The following IL1RAPL2 variants were observed in gnomAD, a reference collection of about 807,000 sequenced individuals.
IL1RAPL2 encodes the protein X-linked interleukin-1 receptor accessory protein-like 2.
Under a neutral mutation model 44.1 loss-of-function variants are expected in IL1RAPL2, and 3 were observed. The observed-to-expected ratio is 0.07, with a 90% CI of 0.03 to 0.18. IL1RAPL2 has a LOEUF of 0.18. Among genes scored for constraint, IL1RAPL2 ranks in the 10% least tolerant of loss-of-function variants. The pLI, the probability that IL1RAPL2 is intolerant of heterozygous loss-of-function variation, is 1.00. For missense variants in IL1RAPL2, 391 were observed against 496.4 expected, an observed-to-expected ratio of 0.79 and a Z score of 2.02; for synonymous variants, 181 against 178.8, an observed-to-expected ratio of 1.01 and a Z score of -0.10.
chrX:104,813,673 C>T (rs1466636625), intron 2 of IL1RAPL2, among the ~76,000 whole-genome samples: 3 of 111,501 alleles, frequency 2.7e-5, no homozygotes, highest in Non-Finnish European at 1.9e-5. Flanking sequence ...AGGATAGCAT[C>T]AGACTCAGCT....
chrX:105,453,459 A>T (rs1240476853), intron 5 of IL1RAPL2, among the ~76,000 whole-genome samples: 1 of 112,279 alleles, frequency 8.9e-6, no homozygotes, highest in East Asian at 2.8e-4. Flanking sequence ...ATATAATGCA[A>T]ACCACTTGTT....
chrX:104,987,688 T>C (rs371487618), intron 2 of IL1RAPL2, among the ~76,000 whole-genome samples: 6 of 110,777 alleles, frequency 5.4e-5, no homozygotes, highest in Non-Finnish European at 9.4e-5. Flanking sequence ...GCTGCCCTCC[T>C]GCATTGTAGT....
At chrX:104,706,749 C>G (rs934769890) in intron 2 of IL1RAPL2, among the ~76,000 whole-genome samples, 1 of 111,509 alleles carries the variant, frequency 9.0e-6, no homozygotes, top group Non-Finnish European at 1.9e-5. Flanking sequence ...ATGCACATGC[C>G]CTGCTGGAAG....
At chrX:104,915,786 T>C (rs1403285960) in intron 2 of IL1RAPL2, among the ~76,000 whole-genome samples, 15 of 111,950 alleles carry the variant, frequency 1.3e-4, no homozygotes, top group Non-Finnish European at 2.4e-4. Context: ...TTTCTACATA[T>C]GGCTAGCCCG....
chrX:105,537,934 A>G (rs189947985), intron 6 of IL1RAPL2, among the ~76,000 whole-genome samples: 8 of 108,982 alleles, frequency 7.3e-5, no homozygotes, highest in Non-Finnish European at 1.5e-4. Flanking sequence ...TTAAAGGAAA[A>G]CCCTTCATCT....
At chrX:104,917,679 T>A (rs1449149225) in intron 2 of IL1RAPL2, among the ~76,000 whole-genome samples, 1 of 111,728 alleles carries the variant, frequency 9.0e-6, no homozygotes, top group Non-Finnish European at 1.9e-5. Flanking sequence ...CCCTTTGGAG[T>A]AGTCTAACCC....
In IL1RAPL2 at chrX:105,399,900, G is replaced by A. The variant is rs142175938; in HGVS notation, c.698-84413G>A. 5.4e-3 allele frequency among the ~76,000 whole-genome samples: 595 copies of A among 110,912 alleles called. 5 individuals are homozygous for A. Among genetic ancestry groups the A allele is most frequent in the African/African-American group, 0.018 (553 of 30,548 alleles). On this transcript the variant is annotated intron_variant, in intron 5 of 10. Coordinates refer to ENST00000372582, the MANE Select transcript of IL1RAPL2 (RefSeq NM_017416.2). ...ACAGTGCTGTAAAGGCTAATAATGG[G>A]GCAGGGTGGGAAGTTTTCCTAATTT... is the stretch of plus-strand genomic sequence containing the variant.
chrX:105,585,306 G>C (rs1231149513), intron 6 of IL1RAPL2, among the ~76,000 whole-genome samples: 1 of 107,631 alleles, frequency 9.3e-6, no homozygotes, highest in Non-Finnish European at 1.9e-5. Flanking sequence ...ACTAGAGTTT[G>C]TTGTTTCTTT....
rs148350703 is a variant in IL1RAPL2 at position 104,844,789 on chromosome X, G to C, written c.82+185794G>C. Reference sequence around the variant, plus strand: ...AAATGTCTCAGAGAGCTAGTGACAAGTATTCCACATAGCATATTTTGTGAA... The same window carrying C: ...AAATGTCTCAGAGAGCTAGTGACAACTATTCCACATAGCATATTTTGTGAA... On this transcript the variant is annotated intron_variant, in intron 2 of 10. Coordinates refer to ENST00000372582, the MANE Select transcript of IL1RAPL2 (RefSeq NM_017416.2). Among the ~76,000 whole-genome samples the C allele has an allele frequency of 1.6e-3, 182 of 111,819 alleles. 1 individual carries two copies. The East Asian group carries it at 0.04, about 24-fold the overall frequency.
intron 2 of IL1RAPL2, among the ~76,000 whole-genome samples, chrX:105,090,266 C>T (rs1394424349): frequency 5.4e-5 from 6 of 111,503 alleles, no homozygotes; most frequent in Non-Finnish European, 9.4e-5. Flanking sequence ...ATATTCAAGT[C>T]CCACAGTCAC....
chrX:104,809,693 A>G (rs1932957761), intron 2 of IL1RAPL2, among the ~76,000 whole-genome samples: 1 of 108,480 alleles, frequency 9.2e-6, no homozygotes, highest in Non-Finnish European at 1.9e-5. Flanking sequence ...GTTCACTCTG[A>G]TGGTAGTTTC....
intron 6 of IL1RAPL2, among the ~76,000 whole-genome samples, chrX:105,504,922 T>C (rs1222361303): frequency 9.0e-6 from 1 of 111,320 alleles, no homozygotes; most frequent in Non-Finnish European, 1.9e-5. Flanking sequence ...GTTCAGATAA[T>C]AGACAATCAA....
intron 4 of IL1RAPL2, among the ~76,000 whole-genome samples, chrX:105,257,835 A>G (rs930849729): frequency 9.0e-6 from 1 of 111,668 alleles, no homozygotes; most frequent in African/African-American, 3.3e-5. Context: ...TACATGTGAG[A>G]TGGGTCTTTT....
chrX:104,980,929 T>C (rs2030424665), intron 2 of IL1RAPL2, among the ~76,000 whole-genome samples: 1 of 111,678 alleles, frequency 9.0e-6, no homozygotes, highest in Non-Finnish European at 1.9e-5. Flanking sequence ...CAATGTTGAT[T>C]CTTCTTATCC....
chrX:105,513,376 C>CTCCCACCAACAGCATAAAAGCG (rs1423631978), intron 6 of IL1RAPL2, among the ~76,000 whole-genome samples: 2 of 111,726 alleles, frequency 1.8e-5, no homozygotes, highest in Non-Finnish European at 3.8e-5. Flanking sequence ...CTAATTTACA[C>CTCCCACCAACAGCATAAAAGCG]TCCCACCAAC....
rs144227242 is a variant in IL1RAPL2 at position 105,003,267 on chromosome X, G to A, written c.83-192208G>A. Among the ~76,000 whole-genome samples the A allele has an allele frequency of 7.4e-3, 818 of 111,273 alleles. 9 individuals carry two copies. The highest frequency in any genetic ancestry group is 0.025 in the African/African-American group (759 of 30,720). On this transcript the variant is annotated intron_variant, in intron 2 of 10. Transcript: ENST00000372582. ...AGTAAAAATAAGAGTGAAATCTGAT[G>A]TGGCTTCTAAAATCAATGAGCTATC... is the stretch of plus-strand genomic sequence containing the variant.
intron 2 of IL1RAPL2, among the ~76,000 whole-genome samples, chrX:104,906,971 A>G: frequency 9.0e-6 from 1 of 111,386 alleles, no homozygotes; most frequent in Non-Finnish European, 1.9e-5. Context: ...TTATTGCCAC[A>G]ATTTCAGCTC....
intron 2 of IL1RAPL2, among the ~76,000 whole-genome samples, chrX:105,041,265 C>T (rs746361312): frequency 2.7e-5 from 3 of 110,969 alleles, no homozygotes; most frequent in African/African-American, 9.9e-5. Context: ...AATTTCTGTT[C>T]TTTTACATTT....
At chrX:104,885,943 C>G (rs959948347) in intron 2 of IL1RAPL2, among the ~76,000 whole-genome samples, 1 of 112,929 alleles carries the variant, frequency 8.9e-6, no homozygotes, top group South Asian at 3.6e-4. Context: ...ACAACAGGAC[C>G]GAGGGTGCCC....
Sources: gnomAD v4.1 joint callset for allele counts (sites outside exome capture counted in the v4.1 genomes callset) on GRCh38, gnomAD v4.1.1 for gene constraint, MANE v1.5 for transcripts, NCBI Gene and HGNC (gene_info 2026-07-23, HGNC 2026-07-21) for gene names.